Variants in MARCHF8 observed in about 807,000 individuals in gnomAD.
MARCHF8 encodes the protein E3 ubiquitin-protein ligase MARCHF8.
MARCHF8 carries 40 observed loss-of-function variants against 51.6 expected under a neutral mutation model. The observed-to-expected ratio is 0.77, with a 90% CI of 0.60 to 1.01. The LOEUF (loss-of-function observed/expected upper bound fraction) is 1.01. MARCHF8 is among the 50% of genes least tolerant of loss of function. The probability of loss-of-function intolerance (pLI) is 0.00; values close to 1 mark genes in which losing one functional copy is unlikely to be tolerated. For synonymous variants in MARCHF8, 263 were observed against 280.3 expected (o/e 0.94, Z 0.62); for missense variants, 685 against 708.6 (o/e 0.97, Z 0.38).
intron 2 of MARCHF8, among the ~76,000 whole-genome samples, chr10:45,494,310 A>G (rs951492307): frequency 6.6e-6 from 1 of 152,248 alleles, no homozygotes; most frequent in Non-Finnish European, 1.5e-5. Flanking sequence ...AGTAGAAACC[A>G]ATAATTATCA....
upstream of MARCHF8, among the ~76,000 whole-genome samples, chr10:45,538,963 C>T (rs1396852229): frequency 2.6e-5 from 4 of 152,148 alleles, no homozygotes; most frequent in African/African-American, 7.2e-5. Context: ...CTGCACCAAG[C>T]GGACCTAATA....
chr10:45,460,769 A>G (rs1361206720), intron 6 of MARCHF8, among the ~76,000 whole-genome samples: 5 of 152,126 alleles, frequency 3.3e-5, no homozygotes, highest in Admixed American at 1.3e-4. Context: ...TCTTTTCCCT[A>G]TCCACCTACT....
intron 1 of MARCHF8, among the ~76,000 whole-genome samples, chr10:45,563,006 TCTCC>T (rs1468475502): frequency 2.6e-5 from 4 of 151,038 alleles, no homozygotes; most frequent in Non-Finnish European, 5.9e-5. Flanking sequence ...ATACAGTCTC[TCTCC>T]CTCCCTCCCT....
At position 45,456,861 on chromosome 10, in the gene MARCHF8, C is replaced by G. The variant is rs981734008; in HGVS notation, c.*1378G>C. ...TTGGTTTTGTTTTATGAAAATGGTACAGGTGGTAATCCCTGATGACAGAAT... is the reference window on the plus strand; with the variant it reads ...TTGGTTTTGTTTTATGAAAATGGTAGAGGTGGTAATCCCTGATGACAGAAT... On this transcript the variant is annotated 3_prime_UTR_variant, in exon 8 of 8. Transcript: ENST00000453424. 6.6e-6 allele frequency: 1 copy of G among 152,254 alleles called. No homozygotes were observed. Among genetic ancestry groups the G allele is most frequent in the Non-Finnish European group, 1.5e-5 (1 of 68,058 alleles). The allele number at this position is 152,254 out of a possible 1,614,324, so 9.4% of individuals were successfully genotyped here. A position where few individuals can be genotyped will look rare whatever the true frequency, so the allele number is the denominator to read the frequency against.
intron 3 of MARCHF8, among the ~76,000 whole-genome samples, chr10:45,466,956 C>T (rs1326782138): frequency 1.3e-5 from 2 of 152,210 alleles, no homozygotes; most frequent in African/African-American, 2.4e-5. Context: ...CACACACACA[C>T]GTCAGGACAT....
At chr10:45,532,313 G>A (rs1248935536) in intron 2 of MARCHF8, among the ~76,000 whole-genome samples, 2 of 152,112 alleles carry the variant, frequency 1.3e-5, no homozygotes, top group Non-Finnish European at 2.9e-5. Context: ...TCCCTTCCTG[G>A]CCTAACTGTT....
chr10:45,494,582 G>T (rs1298292541), intron 2 of MARCHF8, among the ~76,000 whole-genome samples: 2 of 152,124 alleles, frequency 1.3e-5, no homozygotes, highest in Non-Finnish European at 2.9e-5. Flanking sequence ...ACACTACTTT[G>T]CAGTTAAGGA....
intron 1 of MARCHF8, among the ~76,000 whole-genome samples, chr10:45,553,470 G>A (rs9422653): frequency 0.062 from 9,389 of 152,116 alleles, 332 homozygotes; most frequent in Non-Finnish European, 0.067. Context: ...GTAACATTAC[G>A]CTTGAATACT....
chr10:45,489,336 TAATA>T, intron 3 of MARCHF8, 27 bp downstream of exon 3: 2 of 1,561,394 alleles, frequency 1.3e-6, no homozygotes, highest in South Asian at 1.1e-5. Flanking sequence ...AGACTCAAGG[TAATA>T]AATAACATTT....
intron 2 of MARCHF8, among the ~76,000 whole-genome samples, chr10:45,523,026 G>A (rs914570245): frequency 6.6e-6 from 1 of 152,116 alleles, no homozygotes; most frequent in South Asian, 2.1e-4. Context: ...ATATGTGTGT[G>A]CAGTCTATAT....
chr10:45,515,437 G>A (rs2043601907), intron 2 of MARCHF8, among the ~76,000 whole-genome samples: 1 of 152,156 alleles, frequency 6.6e-6, no homozygotes, highest in South Asian at 2.1e-4. Flanking sequence ...TAATTTATTT[G>A]TTGTTCTGCA....
At chr10:45,473,889 A>G (rs538926959) in intron 3 of MARCHF8, among the ~76,000 whole-genome samples, 64 of 152,252 alleles carry the variant, frequency 4.2e-4, no homozygotes, top group Non-Finnish European at 2.2e-4. Flanking sequence ...CAGGTGACAA[A>G]TGATCTTTCT....
In MARCHF8 at chr10:45,456,343, C is replaced by G. The variant is rs1345487079; in HGVS notation, c.*1896G>C. Reference sequence around the variant, plus strand: ...GGAGAGGCTGACCTATTCTCAGGAGCTGGCTATGGCTGGACAGTGCCTGCC... The same window carrying G: ...GGAGAGGCTGACCTATTCTCAGGAGGTGGCTATGGCTGGACAGTGCCTGCC... On this transcript the variant is annotated 3_prime_UTR_variant, in exon 8 of 8. Coordinates refer to ENST00000453424, the MANE Select transcript of MARCHF8 (RefSeq NM_001282866.2). The G allele has an allele frequency of 6.6e-6, 1 of 152,382 alleles. No individual in the cohort carries two copies. Among genetic ancestry groups the G allele is most frequent in the Non-Finnish European group, 1.5e-5 (1 of 68,202 alleles). The allele number at this position is 152,382 out of a possible 1,614,324, so 9.4% of individuals were successfully genotyped here.
At chr10:45,469,844 G>T (rs544009978) in intron 3 of MARCHF8, among the ~76,000 whole-genome samples, 274 of 121,070 alleles carry the variant, frequency 2.3e-3, no homozygotes, top group Non-Finnish European at 3.8e-3. Flanking sequence ...CAGCCTGGGC[G>T]ACAGAGTGAG....
In MARCHF8 at chr10:45,586,809, T is replaced by C. The variant is rs1048902913; in HGVS notation, c.-79+7426A>G. 2.0e-5 allele frequency among the ~76,000 whole-genome samples: 3 copies of C among 152,108 alleles called. No individual in the cohort carries two copies. The East Asian group carries it at 5.8e-4, about 29-fold the overall frequency. Reference sequence around the variant, plus strand: ...TACCGATTTTGCAATTTGAGTTCTCTAGCTTCTTCTTAATTTACTGAAGTT... The same window carrying C: ...TACCGATTTTGCAATTTGAGTTCTCCAGCTTCTTCTTAATTTACTGAAGTT... On this transcript the variant is annotated intron_variant, in intron 1 of 6. Coordinates refer to the MARCHF8 transcript ENST00000319836.
intron 2 of MARCHF8, among the ~76,000 whole-genome samples, chr10:45,499,449 T>A (rs2043236951): frequency 6.6e-6 from 1 of 152,204 alleles, no homozygotes; most frequent in South Asian, 2.1e-4. Context: ...TGTAATCTAA[T>A]TTCTGTATTT....
At chr10:45,493,916 G>C (rs1018421206) in intron 2 of MARCHF8, among the ~76,000 whole-genome samples, 1 of 152,170 alleles carries the variant, frequency 6.6e-6, no homozygotes, top group African/African-American at 2.4e-5. Context: ...CTCCCAAGTA[G>C]CTGAGATTAC....
At chr10:45,492,734 C>A (rs1320516329) in intron 2 of MARCHF8, among the ~76,000 whole-genome samples, 4 of 152,216 alleles carry the variant, frequency 2.6e-5, no homozygotes, top group Non-Finnish European at 5.9e-5. Flanking sequence ...TACTATGCAA[C>A]TACTATGTGT....
At chr10:45,541,799 T>C (rs944955998) in intron 1 of MARCHF8, among the ~76,000 whole-genome samples, 2 of 152,176 alleles carry the variant, frequency 1.3e-5, no homozygotes, top group Non-Finnish European at 2.9e-5. Context: ...TAATAGCTAA[T>C]GTTTATGAAC....
Sources: allele counts gnomAD v4.1 joint callset (sites outside exome capture counted in the v4.1 genomes callset), GRCh38; gene constraint gnomAD v4.1.1; transcripts MANE v1.5; gene names NCBI Gene and HGNC (gene_info 2026-07-23, HGNC 2026-07-21).